The following RABGAP1L variants were observed in gnomAD, a reference collection of about 807,000 sequenced individuals.
The protein encoded by RABGAP1L is RAB GTPase activating protein 1 like, also known as rab GTPase-activating protein 1-like.
In RABGAP1L, 63 loss-of-function variants were observed where a neutral mutation model predicts 137.7. The ratio of observed to expected loss-of-function variants is 0.46; its 90% CI spans 0.37 to 0.56. RABGAP1L has a LOEUF of 0.56. RABGAP1L is among the 20% of genes least tolerant of loss of function. The pLI is 0.00. For synonymous variants in RABGAP1L, 431 were observed against 433.7 expected (o/e 0.99, Z 0.08); for missense variants, 1,095 against 1,244.0 (o/e 0.88, Z 1.80).
intron 11 of RABGAP1L, among the ~76,000 whole-genome samples, chr1:174,355,446 C>T (rs1377079510): frequency 7.4e-6 from 1 of 135,992 alleles, no homozygotes; most frequent in Admixed American, 7.8e-5. Context: ...GGGAACATCA[C>T]ACTCTGGGGA....
chr1:174,335,349 C>A (rs1259310865), intron 11 of RABGAP1L, among the ~76,000 whole-genome samples: 1 of 152,084 alleles, frequency 6.6e-6, no homozygotes, highest in Non-Finnish European at 1.5e-5. Flanking sequence ...AATTGTCTTG[C>A]CTTAGCCTGT....
At chr1:174,905,632 C>T (rs1371260007) in intron 19 of RABGAP1L, among the ~76,000 whole-genome samples, 4 of 152,080 alleles carry the variant, frequency 2.6e-5, no homozygotes, top group Non-Finnish European at 4.4e-5. Flanking sequence ...GGGTGGATCA[C>T]TTGAGGTCAG....
At chr1:174,239,648 G>C (rs1558060819) in intron 4 of RABGAP1L, among the ~76,000 whole-genome samples, 1 of 151,830 alleles carries the variant, frequency 6.6e-6, no homozygotes, top group African/African-American at 2.4e-5. Flanking sequence ...TTCCTCACTA[G>C]ATTATAAGCT....
intron 13 of RABGAP1L, among the ~76,000 whole-genome samples, chr1:174,463,226 G>A (rs573905312): frequency 6.6e-6 from 1 of 152,034 alleles, no homozygotes; most frequent in Non-Finnish European, 1.5e-5. Context: ...TGTTTATTGC[G>A]GCACTATTCA....
At chr1:174,828,468 T>G (rs1444307531) in intron 19 of RABGAP1L, among the ~76,000 whole-genome samples, 6 of 147,878 alleles carry the variant, frequency 4.1e-5, no homozygotes, top group African/African-American at 7.4e-5. Flanking sequence ...CTGCCTAGGT[T>G]GCTTTCTGTC....
intron 13 of RABGAP1L, among the ~76,000 whole-genome samples, chr1:174,597,504 G>A (rs1358901467): frequency 6.6e-6 from 1 of 151,922 alleles, no homozygotes; most frequent in East Asian, 1.9e-4. Context: ...TTGGCATATG[G>A]TTGTTGATAG....
At chr1:174,650,310 C>G (rs1451708947) in intron 14 of RABGAP1L, among the ~76,000 whole-genome samples, 2 of 152,018 alleles carry the variant, frequency 1.3e-5, no homozygotes, top group Non-Finnish European at 2.9e-5. Context: ...TTGGTTGTGT[C>G]TCTGCCCGGC....
intron 18 of RABGAP1L, among the ~76,000 whole-genome samples, chr1:174,757,553 C>T (rs1350877436): frequency 6.7e-6 from 1 of 148,184 alleles, no homozygotes; most frequent in Non-Finnish European, 1.5e-5. Flanking sequence ...TTTATTTATA[C>T]ATAAATATAA....
intron 13 of RABGAP1L, among the ~76,000 whole-genome samples, chr1:174,568,545 T>C (rs1667736313): frequency 6.6e-6 from 1 of 152,172 alleles, no homozygotes. Flanking sequence ...CCACATTGGC[T>C]CATAGTGGGT....
At chr1:174,184,416 G>A (rs1275394189) in intron 1 of RABGAP1L, among the ~76,000 whole-genome samples, 1 of 152,172 alleles carries the variant, frequency 6.6e-6, no homozygotes, top group Non-Finnish European at 1.5e-5. Context: ...ACCAGGGAGT[G>A]CAATTGTGGG....
chr1:174,598,201 G>A (rs1009383465), intron 13 of RABGAP1L, among the ~76,000 whole-genome samples: 2 of 151,958 alleles, frequency 1.3e-5, no homozygotes, highest in African/African-American at 4.8e-5. Context: ...GTTGGTGCAT[G>A]CCTGTAGTCC....
chr1:174,287,799 A>AT (rs1320021379), intron 10 of RABGAP1L, among the ~76,000 whole-genome samples: 2 of 152,240 alleles, frequency 1.3e-5, no homozygotes, highest in African/African-American at 4.8e-5. Context: ...AGCCTACTCT[A>AT]TATCTTTTGA....
At position 174,342,358 on chromosome 1, in the gene RABGAP1L, C is replaced by T. The variant is rs151074499; in HGVS notation, c.1466-28621C>T. Among the ~76,000 whole-genome samples, 21 of 151,978 alleles carry T rather than the reference C, an allele frequency of 1.4e-4. No individual in the cohort carries two copies. The East Asian group carries it at 2.5e-3, about 18-fold the overall frequency. ...AATATAATAGCATTTTCTATTTTTC[C>T]CTAGTAAGTATTGTTGATGGTTGTC... On this transcript the variant is annotated intron_variant, in intron 11 of 25. Transcript: ENST00000681986.
At chr1:174,477,427 T>C (rs1425446825) in intron 13 of RABGAP1L, among the ~76,000 whole-genome samples, 6 of 152,212 alleles carry the variant, frequency 3.9e-5, no homozygotes, top group Non-Finnish European at 8.8e-5. Context: ...CAAGTAAGCA[T>C]TGAATTTTTA....
intron 13 of RABGAP1L, among the ~76,000 whole-genome samples, chr1:174,538,877 T>G (rs577665978): frequency 6.6e-6 from 1 of 152,318 alleles, no homozygotes; most frequent in Admixed American, 6.5e-5. Flanking sequence ...TTTTGTAGTG[T>G]GATAGTAGGC....
intron 19 of RABGAP1L, among the ~76,000 whole-genome samples, chr1:174,924,369 G>A (rs1305913292): frequency 9.2e-6 from 1 of 109,170 alleles, no homozygotes; most frequent in Non-Finnish European, 1.7e-5. Context: ...TGTGGTGACA[G>A]AGCAAGACTC....
intron 2 of RABGAP1L, among the ~76,000 whole-genome samples, chr1:174,219,717 C>A (rs955851692): frequency 4.6e-5 from 7 of 152,058 alleles, no homozygotes; most frequent in Admixed American, 4.6e-4. Context: ...ATTTAACAGT[C>A]GACTTGTCTA....
chr1:174,844,602 G>A (rs944212299), intron 19 of RABGAP1L, among the ~76,000 whole-genome samples: 3 of 133,048 alleles, frequency 2.3e-5, no homozygotes, highest in African/African-American at 8.6e-5. Flanking sequence ...TTTGGTACCA[G>A]TACCATGCTG....
chr1:174,160,150 C>G (rs1184184654), intron 1 of RABGAP1L: 1 of 152,922 alleles, frequency 6.5e-6, no homozygotes, highest in Non-Finnish European at 1.5e-5. Context: ...GCACTTTGCT[C>G]GGCTCCTGCT....
Sources: gnomAD v4.1 joint callset for allele counts (sites outside exome capture counted in the v4.1 genomes callset) on GRCh38, gnomAD v4.1.1 for gene constraint, MANE v1.5 for transcripts, NCBI Gene and HGNC (gene_info 2026-07-23, HGNC 2026-07-21) for gene names.